Variants in TMEM163 observed in about 807,000 individuals in gnomAD.
The protein encoded by TMEM163 is transmembrane protein 163.
TMEM163 carries 17 observed loss-of-function variants against 29.3 expected under a neutral mutation model. The ratio of observed to expected loss-of-function variants is 0.58; its 90% CI spans 0.40 to 0.87. The LOEUF is 0.87. Among genes scored for constraint, TMEM163 ranks in the 40% least tolerant of loss-of-function variants. TMEM163 has a pLI of 0.00. For missense variants in TMEM163, 303 were observed against 381.5 expected, an observed-to-expected ratio of 0.79 and a Z score of 1.71; for synonymous variants, 157 against 160.6, an observed-to-expected ratio of 0.98 and a Z score of 0.17.
At chr2:134,645,273 T>C (rs1025568994) in intron 2 of TMEM163, among the ~76,000 whole-genome samples, 1 of 152,238 alleles carries the variant, frequency 6.6e-6, no homozygotes, top group African/African-American at 2.4e-5. Context: ...GTATTTACCC[T>C]TGAACAGGGT....
chr2:134,647,856 G>A (rs1683368664), intron 2 of TMEM163, among the ~76,000 whole-genome samples: 2 of 152,172 alleles, frequency 1.3e-5, no homozygotes, highest in South Asian at 2.1e-4. Context: ...CAGGGCAAGC[G>A]CTTTTGGATG....
chr2:134,493,214 C>T (rs1321038295), intron 5 of TMEM163, among the ~76,000 whole-genome samples: 1 of 151,960 alleles, frequency 6.6e-6, no homozygotes, highest in Non-Finnish European at 1.5e-5. Context: ...ATTCTTTACA[C>T]ATTCTGGATA....
intron 2 of TMEM163, among the ~76,000 whole-genome samples, chr2:134,633,966 CATATATATATATATATATATATATAT>C (rs535811215): frequency 0.078 from 2,950 of 37,822 alleles, 246 homozygotes; most frequent in African/African-American, 0.14. Context: ...AAAAAAAATA[CATATATATATATATATATATATATAT>C]ATATATATAT....
chr2:134,561,384 T>G (rs962581726), intron 2 of TMEM163, among the ~76,000 whole-genome samples: 1 of 149,458 alleles, frequency 6.7e-6, no homozygotes, highest in Non-Finnish European at 1.5e-5. Flanking sequence ...TTTTGTATTT[T>G]TTTTTAGTGG....
intron 2 of TMEM163, among the ~76,000 whole-genome samples, chr2:134,689,059 T>C (rs1684405086): frequency 6.6e-6 from 1 of 152,132 alleles, no homozygotes; most frequent in African/African-American, 2.4e-5. Flanking sequence ...AAATTAATTT[T>C]ATGTTTCTTT....
chr2:134,665,805 A>G (rs994008153), intron 2 of TMEM163, among the ~76,000 whole-genome samples: 2 of 152,230 alleles, frequency 1.3e-5, no homozygotes, highest in African/African-American at 4.8e-5. Flanking sequence ...AAATTCAGGT[A>G]TAACACCACC....
rs1680968643 is a variant in TMEM163, at chr2:134,553,073, C to A, written c.323-982G>T. Among the ~76,000 whole-genome samples, 5 of 152,164 alleles carry A rather than the reference C, an allele frequency of 3.3e-5. No homozygotes were observed. In the South Asian group the frequency reaches 8.3e-4, roughly 25 times the overall value. On this transcript the variant is annotated intron_variant, in intron 2 of 7. Coordinates refer to ENST00000281924, the MANE Select transcript of TMEM163 (RefSeq NM_030923.5). Reference sequence around the variant, plus strand: ...ACTTCTCAATTTGACATAACAAAGGCAGATCTCCAGAAGAAAGCCATATTT... The same window carrying A: ...ACTTCTCAATTTGACATAACAAAGGAAGATCTCCAGAAGAAAGCCATATTT...
At chr2:134,715,320 C>A (rs991228644) in intron 1 of TMEM163, among the ~76,000 whole-genome samples, 6 of 152,168 alleles carry the variant, frequency 3.9e-5, no homozygotes, top group African/African-American at 1.2e-4. Flanking sequence ...ACAGCACCCC[C>A]CTGGAGGAGT....
At chr2:134,565,519 T>G (rs774044517) in intron 2 of TMEM163, among the ~76,000 whole-genome samples, 1 of 151,202 alleles carries the variant, frequency 6.6e-6, no homozygotes, top group Non-Finnish European at 1.5e-5. Context: ...GGCAGGAGAA[T>G]CACTTCAACC....
At chr2:134,674,179 C>T (rs947620647) in intron 2 of TMEM163, among the ~76,000 whole-genome samples, 1 of 152,056 alleles carries the variant, frequency 6.6e-6, no homozygotes, top group African/African-American at 2.4e-5. Context: ...AGTATACTTT[C>T]TGTACATAAA....
intron 3 of TMEM163, among the ~76,000 whole-genome samples, chr2:134,550,994 C>A (rs1421563818): frequency 6.6e-6 from 1 of 152,172 alleles, no homozygotes; most frequent in Non-Finnish European, 1.5e-5. Flanking sequence ...TAGTTTCCTG[C>A]ACATCCCAGA....
At chr2:134,640,316 G>GA (rs1277336937) in intron 2 of TMEM163, among the ~76,000 whole-genome samples, 1 of 151,496 alleles carries the variant, frequency 6.6e-6, no homozygotes. Context: ...CCCAACCCCA[G>GA]AAAAAAGAAA....
At chr2:134,633,185 G>A (rs1168410331) in intron 2 of TMEM163, among the ~76,000 whole-genome samples, 5 of 152,146 alleles carry the variant, frequency 3.3e-5, no homozygotes, top group African/African-American at 1.2e-4. Context: ...AGTACCACAA[G>A]GCAGTCTGTC....
chr2:134,457,971 G>T, intron 7 of TMEM163, 61 bp downstream of exon 7: 1 of 1,607,812 alleles, frequency 6.2e-7, no homozygotes, highest in Non-Finnish European at 8.5e-7. Flanking sequence ...ACTGGGGAAG[G>T]CGGTGGAAAA....
At chr2:134,685,993 G>GACTC (rs1684342705) in intron 2 of TMEM163, among the ~76,000 whole-genome samples, 1 of 152,208 alleles carries the variant, frequency 6.6e-6, no homozygotes, top group South Asian at 2.1e-4. Flanking sequence ...TTGATTTAAA[G>GACTC]ACTCTGCCAG....
intron 2 of TMEM163, among the ~76,000 whole-genome samples, chr2:134,674,489 G>T (rs1353118476): frequency 1.7e-5 from 1 of 60,248 alleles, no homozygotes; most frequent in Admixed American, 1.4e-4. Context: ...GACTACAGGC[G>T]CGCGCGCGCG....
At chr2:134,465,305 CAT>C (rs1226983743) in intron 6 of TMEM163, among the ~76,000 whole-genome samples, 1 of 151,636 alleles carries the variant, frequency 6.6e-6, no homozygotes, top group South Asian at 2.1e-4. Flanking sequence ...TATACAGACA[CAT>C]ATATATAAAC....
intron 5 of TMEM163, among the ~76,000 whole-genome samples, chr2:134,480,847 T>C (rs1007527342): frequency 2.6e-5 from 4 of 152,234 alleles, no homozygotes; most frequent in African/African-American, 9.6e-5. Flanking sequence ...TATTATATAC[T>C]TTTTTATTGA....
chr2:134,571,792 GT>G (rs1170307991), intron 2 of TMEM163, among the ~76,000 whole-genome samples: 1 of 152,200 alleles, frequency 6.6e-6, no homozygotes, highest in Non-Finnish European at 1.5e-5. Flanking sequence ...AAAGTGTTGT[GT>G]ACCAGGGAAG....
Sources: allele counts gnomAD v4.1 joint callset (sites outside exome capture counted in the v4.1 genomes callset), GRCh38; gene constraint gnomAD v4.1.1; transcripts MANE v1.5; gene names NCBI Gene and HGNC (gene_info 2026-07-23, HGNC 2026-07-21).